NCKAP1L: variants seen among roughly 807,000 people sequenced by gnomAD.
NCKAP1L encodes nck-associated protein 1-like.
A neutral mutation model predicts 139.2 loss-of-function variants in NCKAP1L; 53 were observed. That is an observed-to-expected ratio of 0.38 (90% confidence interval 0.31 to 0.48). The LOEUF (loss-of-function observed/expected upper bound fraction) is 0.48, where lower values mean the gene tolerates loss of function less well. Ranked by LOEUF, NCKAP1L falls within the 20% of genes least tolerant of loss-of-function variation. The pLI is 0.98. For missense variants in NCKAP1L, 1,151 were observed against 1,381.9 expected (o/e 0.83, Z 2.65); for synonymous variants, 468 against 499.7 (o/e 0.94, Z 0.85).
Position 54,544,309 on chromosome 12 carries a change from G to A in NCKAP1L, c.*1624G>A, listed in dbSNP as rs1372590846. 6.6e-6 allele frequency: 1 copy of A among 152,148 alleles called. No individual in the cohort carries two copies. Among genetic ancestry groups the A allele is most frequent in the East Asian group, 1.9e-4 (1 of 5,186 alleles). 9.4% of individuals were successfully genotyped at this position (152,148 alleles called of 1,614,324 possible). ...TCTATATGTTTATATTTTTCTGCTTGAGGGGATAGAGATCCCTCCTCCATC... is the reference window on the plus strand; with the variant it reads ...TCTATATGTTTATATTTTTCTGCTTAAGGGGATAGAGATCCCTCCTCCATC... On this transcript the variant is annotated 3_prime_UTR_variant, in exon 31 of 31. Transcript: ENST00000293373.
At chr12:54,514,541 G>A (rs189279594) in intron 9 of NCKAP1L, among the ~76,000 whole-genome samples, 30 of 152,020 alleles carry the variant, frequency 2.0e-4, no homozygotes, top group Admixed American at 5.9e-4. Context: ...CAGGCTGGTC[G>A]CAAACTCCTG....
intron 30 of NCKAP1L, among the ~76,000 whole-genome samples, chr12:54,539,836 T>C (rs184364761): frequency 2.6e-5 from 4 of 152,312 alleles, no homozygotes; most frequent in Admixed American, 2.6e-4. Context: ...GCTAAGTAGC[T>C]TCAGCCCACT....
Position 54,528,268 on chromosome 12 carries a change from A to T in NCKAP1L, c.2397A>T (p.Arg799Ser). Residue 799 changes from arginine (R) to serine (S), a missense_variant, in exon 22 of 31, where the codon AGA becomes AGT. Arg to Ser is a moderately radical substitution (Grantham distance 110). Coordinates refer to ENST00000293373, the MANE Select transcript of NCKAP1L (RefSeq NM_005337.5). ...GTAGGTACCTGGAAAGTCTGCTTAG[A>T]CAGGCAAGCAGTGGGACCATCATCC... is the stretch of plus-strand genomic sequence containing the variant. ...YTNWYLESLL[R>S]QASSGTIILS... 4.3e-6 allele frequency: 7 copies of T among 1,613,876 alleles called. No homozygotes were observed. The highest frequency in any genetic ancestry group is 5.9e-6 in the Non-Finnish European group (7 of 1,179,862).
At chr12:54,523,655 C>T (rs1957004432) in intron 19 of NCKAP1L, 116 bp downstream of exon 19, 3 of 1,441,290 alleles carry the variant, frequency 2.1e-6, no homozygotes, top group East Asian at 2.3e-5. Flanking sequence ...GAATGAGGGG[C>T]ATGGAAAAGC....
intron 9 of NCKAP1L, among the ~76,000 whole-genome samples, chr12:54,513,613 C>T (rs1036645067): frequency 1.3e-5 from 2 of 152,132 alleles, no homozygotes; most frequent in Non-Finnish European, 1.5e-5. Context: ...ATCTGTTAGA[C>T]GATGTTGGGA....
At chr12:54,519,137 C>G in intron 15 of NCKAP1L, 50 bp from the exon 16 acceptor site, 2 of 1,556,330 alleles carry the variant, frequency 1.3e-6, no homozygotes, top group Non-Finnish European at 1.7e-6. Flanking sequence ...GGCTGGGGGC[C>G]TTTTTCATTC....
Position 54,499,348 on chromosome 12 carries a change from T to A in NCKAP1L, c.103-7T>A, listed in dbSNP as rs1956778227. On this transcript the variant is annotated splice_region_variant and splice_polypyrimidine_tract_variant and intron_variant, in intron 1 of 30. Transcript: ENST00000293373. ...AGGGTTGAAATATATATGGTTTCTC[T>A]CTGCAGACTTGTTCAGACCCCAAAT... The A allele has an allele frequency of 1.4e-6, 2 of 1,481,048 alleles. No homozygotes were observed. Among genetic ancestry groups the A allele is most frequent in the Non-Finnish European group, 1.9e-6 (2 of 1,059,198 alleles). 91.7% of individuals were successfully genotyped at this position (1,481,048 alleles called of 1,614,324 possible).
Position 54,497,896 on chromosome 12 carries a change from G to C in NCKAP1L, c.102+5G>C. The C allele has an allele frequency of 6.4e-7, 1 of 1,566,850 alleles. No individual in the cohort carries two copies. Among genetic ancestry groups the C allele is most frequent in the Non-Finnish European group, 8.8e-7 (1 of 1,136,872 alleles). ...CGTATGTATAACATCAAGAAGGTAAGCATGAACAATGGGACTAGTACTGAT... is the reference window on the plus strand; with the variant it reads ...CGTATGTATAACATCAAGAAGGTAACCATGAACAATGGGACTAGTACTGAT... On this transcript the variant is annotated splice_donor_5th_base_variant and intron_variant, in intron 1 of 30. Transcript: ENST00000293373.
intron 24 of NCKAP1L, 56 bp from the exon 25 acceptor site, chr12:54,531,687 A>C: frequency 6.2e-7 from 1 of 1,603,654 alleles, no homozygotes; most frequent in Non-Finnish European, 8.5e-7. Flanking sequence ...GTAGAATCAA[A>C]ATCATCACCA....
chr12:54,510,292 C>A, intron 7 of NCKAP1L: 1 of 485,680 alleles, frequency 2.1e-6, no homozygotes, highest in Non-Finnish European at 3.8e-6. Flanking sequence ...ACCTATTAAG[C>A]CTAGCAGCAA....
At chr12:54,542,086 A>G (rs2120985015) in intron 30 of NCKAP1L, among the ~76,000 whole-genome samples, 1 of 152,154 alleles carries the variant, frequency 6.6e-6, no homozygotes, top group Non-Finnish European at 1.5e-5. Context: ...CGGCATCCTT[A>G]CTGTTCCCCA....
intron 3 of NCKAP1L, among the ~76,000 whole-genome samples, chr12:54,505,444 CTTTTT>C (rs60418317): frequency 2.9e-5 from 4 of 139,478 alleles, no homozygotes; most frequent in African/African-American, 2.7e-5. Context: ...TTCCTTGTGC[CTTTTT>C]TTTTTTTTTT....
intron 1 of NCKAP1L, 40 bp from the exon 2 acceptor site, chr12:54,499,315 G>T (rs757524459): frequency 2.7e-6 from 3 of 1,099,482 alleles, no homozygotes. Context: ...TTCTGAGGAG[G>T]AGGAGAAAGG....
intron 16 of NCKAP1L, 96 bp downstream of exon 16, chr12:54,519,428 A>ATTTT (rs1956963273): frequency 2.6e-6 from 2 of 781,780 alleles, no homozygotes; most frequent in East Asian, 3.6e-5. Context: ...AATTTTGTTT[A>ATTTT]ATTTTTTTTT....
chr12:54,532,128 G>T (rs1957077599), intron 25 of NCKAP1L, 42 bp from the exon 26 acceptor site: 2 of 1,407,806 alleles, frequency 1.4e-6, no homozygotes, highest in Admixed American at 2.0e-5. Context: ...TGAAGGCATT[G>T]GTCATGGTCT....
chr12:54,542,293 TG>T (rs1957164057), intron 30 of NCKAP1L, among the ~76,000 whole-genome samples: 1 of 152,200 alleles, frequency 6.6e-6, no homozygotes, highest in African/African-American at 2.4e-5. Flanking sequence ...TGGGAGAGAA[TG>T]GGTTTTGCTG....
rs1434025680 is a variant in NCKAP1L at position 54,509,700 on chromosome 12, G to T, written c.538G>T (p.Val180Phe). 2 of 1,614,188 alleles carry T rather than the reference G, an allele frequency of 1.2e-6. No individual in the cohort carries two copies. The highest frequency in any genetic ancestry group is 2.2e-5 in the South Asian group (2 of 91,084). The part of the protein sequence containing the change: ...DPSFARLGQM[V>F]LEYDHPLKKL... ...CAGTTTTGCCCGTCTGGGTCAGATG[G>T]TCTTGGAGTATGACCACCCTCTGAA... The change falls in exon 6 of 31, where the codon GTC becomes TTC. Residue 180 changes from valine to phenylalanine, a missense_variant. By Grantham distance (50) the Val-to-Phe change is conservative. Transcript: ENST00000293373.
chr12:54,531,884 G>A (rs751071839), intron 25 of NCKAP1L, 59 bp downstream of exon 25: 2 of 1,378,464 alleles, frequency 1.5e-6, no homozygotes, highest in African/African-American at 1.4e-5. Flanking sequence ...GGTAGGGTTT[G>A]TATGATAATT....
intron 15 of NCKAP1L, 74 bp downstream of exon 15, chr12:54,519,046 C>G: frequency 6.4e-7 from 1 of 1,555,588 alleles, no homozygotes; most frequent in Admixed American, 1.7e-5. Context: ...CTTTTTATCT[C>G]CTAAATTTGC....
Sources: gnomAD v4.1 joint callset for allele counts (sites outside exome capture counted in the v4.1 genomes callset) on GRCh38, gnomAD v4.1.1 for gene constraint, MANE v1.5 for transcripts, NCBI Gene and HGNC (gene_info 2026-07-23, HGNC 2026-07-21) for gene names.